The following NRDE2 variants were observed in gnomAD, a reference collection of about 807,000 sequenced individuals.
The protein encoded by NRDE2 is nuclear exosome regulator NRDE2.
In NRDE2, 76 loss-of-function variants were observed where a neutral mutation model predicts 124.2. That is an observed-to-expected ratio of 0.61 (90% CI 0.51 to 0.74). NRDE2 has a LOEUF of 0.74. Ranked by LOEUF, NRDE2 falls within the 30% of genes least tolerant of loss-of-function variation. The probability of loss-of-function intolerance (pLI) is 0.00; values close to 1 mark genes in which losing one functional copy is unlikely to be tolerated. For synonymous variants in NRDE2, 489 were observed against 528.1 expected (o/e 0.93, Z 1.01); for missense variants, 1,314 against 1,417.3 (o/e 0.93, Z 1.17).
At chr14:90,328,786 C>T (rs1438160939) in intron 1 of NRDE2, among the ~76,000 whole-genome samples, 5 of 152,180 alleles carry the variant, frequency 3.3e-5, no homozygotes, top group African/African-American at 1.2e-4. Flanking sequence ...TGGTGGGAAA[C>T]ATTTACAGGA....
Position 90,269,282 on chromosome 14 carries a change from A to G in NRDE2, c.*9054T>C. 2 of 876,916 alleles carry G rather than the reference A, an allele frequency of 2.3e-6. No homozygotes were observed. The highest frequency in any genetic ancestry group is 3.7e-5 in the South Asian group (2 of 54,502). 54.3% of individuals were successfully genotyped at this position (876,916 alleles called of 1,614,324 possible). Reference sequence around the variant, plus strand: ...AGCATAATTGAGGGAGTGCCATGTGAGTTGAAACAGGAATGTTTGTTAAGG... The same window carrying G: ...AGCATAATTGAGGGAGTGCCATGTGGGTTGAAACAGGAATGTTTGTTAAGG... On this transcript the variant is annotated 3_prime_UTR_variant, in exon 14 of 14. Coordinates refer to ENST00000354366, the MANE Select transcript of NRDE2 (RefSeq NM_017970.4).
Position 90,278,394 on chromosome 14 carries a change from T to G in NRDE2, c.3437A>C (p.Glu1146Ala), listed in dbSNP as rs772496651. 2.5e-6 allele frequency: 4 copies of G among 1,614,144 alleles called. No homozygotes were observed. Among genetic ancestry groups the G allele is most frequent in the Admixed American group, 3.3e-5 (2 of 60,028 alleles). The change falls in exon 14 of 14, where the codon GAG (glutamate) becomes GCG (alanine). Residue 1146 changes from glutamate (E) to alanine (A), a missense_variant. Transcript: ENST00000354366. The part of the protein sequence containing the change: ...EMQEILDLMT[E>A]KELRVRLPLE... Reference sequence around the variant, plus strand: ...CGGCAGGCGCACCCGGAGCTCCTTCTCAGTCATCAGGTCCAGGATCTCCTG... The same window carrying G: ...CGGCAGGCGCACCCGGAGCTCCTTCGCAGTCATCAGGTCCAGGATCTCCTG...
chr14:90,330,323 T>C (rs540129304), intron 1 of NRDE2, among the ~76,000 whole-genome samples: 115 of 152,346 alleles, frequency 7.5e-4, no homozygotes, highest in Admixed American at 1.8e-3. Flanking sequence ...CACTCATGCA[T>C]TCCTGCAACA....
At chr14:90,297,617 A>T (rs1330998585) in intron 8 of NRDE2, among the ~76,000 whole-genome samples, 1 of 152,118 alleles carries the variant, frequency 6.6e-6, no homozygotes, top group African/African-American at 2.4e-5. Context: ...AGGATAACAA[A>T]AAGACTGTCT....
chr14:90,324,920 C>T lies in NRDE2; in HGVS notation c.65-6807G>A, dbSNP rs139281568. Among the ~76,000 whole-genome samples the T allele has an allele frequency of 1.7e-4, 26 of 152,244 alleles. No homozygotes were observed. The East Asian group carries it at 4.6e-3, about 27-fold the overall frequency. ...TAAGGACATTTAAAAGTTCTTGCAA[C>T]AGTGTGGAGAGTGGCTCAGGGAGCA... On this transcript the variant is annotated intron_variant, in intron 1 of 13. Coordinates refer to ENST00000354366, the MANE Select transcript of NRDE2 (RefSeq NM_017970.4).
Position 90,268,496 on chromosome 14 carries a change from G to C in NRDE2, c.*9840C>G, listed in dbSNP as rs566417995. On this transcript the variant is annotated 3_prime_UTR_variant, in exon 14 of 14. Transcript: ENST00000354366. ...TCTTGAGAATGAGCAATCTCAGGGG[G>C]CTCTCCCTATGGCCACAGTTCTTGC... 1 of 1,363,904 alleles carries C rather than the reference G, an allele frequency of 7.3e-7. No individual in the cohort carries two copies. Among genetic ancestry groups the C allele is most frequent in the Non-Finnish European group, 1.0e-6 (1 of 973,566 alleles). 84.5% of individuals were successfully genotyped at this position (1,363,904 alleles called of 1,614,324 possible).
At chr14:90,321,184 T>A (rs1885227478) in intron 1 of NRDE2, among the ~76,000 whole-genome samples, 1 of 152,138 alleles carries the variant, frequency 6.6e-6, no homozygotes. Context: ...AATACAGACA[T>A]CACAACATAC....
intron 8 of NRDE2, among the ~76,000 whole-genome samples, chr14:90,294,136 T>C (rs11846970): frequency 0.026 from 4,013 of 152,188 alleles, 189 homozygotes; most frequent in African/African-American, 0.091. Flanking sequence ...CATTGATATA[T>C]GCAACAATTT....
In NRDE2 at chr14:90,278,465, G is replaced by C. The variant is rs1295795434; in HGVS notation, c.3370-4C>G. 6.2e-7 allele frequency: 1 copy of C among 1,613,658 alleles called. No individual in the cohort carries two copies. Among genetic ancestry groups the C allele is most frequent in the African/African-American group, 1.3e-5 (1 of 74,910 alleles). On this transcript the variant is annotated splice_polypyrimidine_tract_variant and splice_region_variant and intron_variant, in intron 13 of 13. Transcript: ENST00000354366. Reference sequence around the variant, plus strand: ...CCACGGCGTCCAGGTACAACACCTAGGGGGCAGGCAGGAAGGCCGCCCCAC... The same window carrying C: ...CCACGGCGTCCAGGTACAACACCTACGGGGCAGGCAGGAAGGCCGCCCCAC...
rs1566677012 is a variant in NRDE2 at position 90,273,137 on chromosome 14, T to A, written c.*5199A>T. 1 of 152,224 alleles carries A rather than the reference T, an allele frequency of 6.6e-6. No homozygotes were observed. The allele number at this position is 152,224 out of a possible 1,614,324, so 9.4% of individuals were successfully genotyped here. A position where few individuals can be genotyped will look rare whatever the true frequency, so the allele number is the denominator to read the frequency against. On this transcript the variant is annotated 3_prime_UTR_variant, in exon 14 of 14. Coordinates refer to ENST00000354366, the MANE Select transcript of NRDE2 (RefSeq NM_017970.4). ...ACAAATCAGGCCTAAAGCTATTAAG[T>A]GGGACAGATCAAGGTAAGCGTTCCC...
At chr14:90,289,641 G>C (rs939877764) in intron 10 of NRDE2, among the ~76,000 whole-genome samples, 9 of 152,216 alleles carry the variant, frequency 5.9e-5, no homozygotes, top group African/African-American at 1.9e-4. Flanking sequence ...AGGCTGGAGT[G>C]CAATGGTGCG....
chr14:90,317,627 T>A (rs529892731), intron 2 of NRDE2: 1 of 158,498 alleles, frequency 6.3e-6, no homozygotes, highest in South Asian at 2.0e-4. Context: ...TCCCTGACGT[T>A]TTGATGCCAT....
At chr14:90,279,315 C>T (rs1291946636) in intron 12 of NRDE2, 182 bp from the exon 13 acceptor site, 1 of 591,498 alleles carries the variant, frequency 1.7e-6, no homozygotes, top group Non-Finnish European at 3.0e-6. Context: ...TCTCAGAAGC[C>T]ACTGCTGTGT....
At chr14:90,290,182 G>GA in intron 10 of NRDE2, 39 bp downstream of exon 10, 1 of 1,592,892 alleles carries the variant, frequency 6.3e-7, no homozygotes, top group Admixed American at 1.7e-5. Flanking sequence ...GACATGAAAT[G>GA]AAAAGTCCCC....
At chr14:90,309,768 G>A (rs1464479521) in intron 4 of NRDE2, among the ~76,000 whole-genome samples, 2 of 152,194 alleles carry the variant, frequency 1.3e-5, no homozygotes, top group Admixed American at 6.5e-5. Context: ...ACTGCCATGG[G>A]ATCAACATCT....
Position 90,277,347 on chromosome 14 carries a change from A to G in NRDE2, c.*989T>C, listed in dbSNP as rs1891826800. 1 of 152,228 alleles carries G rather than the reference A, an allele frequency of 6.6e-6. No homozygotes were observed. 9.4% of individuals were successfully genotyped at this position (152,228 alleles called of 1,614,324 possible). A position where few individuals can be genotyped will look rare whatever the true frequency, so the allele number is the denominator to read the frequency against. ...AATTCTAAAGAGAGGAAAACAAAAC[A>G]AAAAAAGCCAGAGAGAAGCTAGCCA... On this transcript the variant is annotated 3_prime_UTR_variant, in exon 14 of 14. Transcript: ENST00000354366.
At chr14:90,315,974 A>AG (rs1488030396) in intron 3 of NRDE2, among the ~76,000 whole-genome samples, 3 of 151,570 alleles carry the variant, frequency 2.0e-5, no homozygotes, top group Admixed American at 1.3e-4. Flanking sequence ...AAAAAAAAAA[A>AG]AAAAAGAAAG....
At chr14:90,315,176 C>CAAAAAAAA (rs71117336) in intron 3 of NRDE2, among the ~76,000 whole-genome samples, 1 of 31,768 alleles carries the variant, frequency 3.1e-5, no homozygotes, top group African/African-American at 1.5e-4. Context: ...TACTCTGTCT[C>CAAAAAAAA]AAAAAAAAAA....
At chr14:90,325,637 C>T (rs2139717117) in intron 1 of NRDE2, among the ~76,000 whole-genome samples, 1 of 152,252 alleles carries the variant, frequency 6.6e-6, no homozygotes, top group South Asian at 2.1e-4. Flanking sequence ...GCAATCCTCC[C>T]ACCTCAACCT....
Sources: gnomAD v4.1 joint callset for allele counts (sites outside exome capture counted in the v4.1 genomes callset) on GRCh38, gnomAD v4.1.1 for gene constraint, MANE v1.5 for transcripts, NCBI Gene and HGNC (gene_info 2026-07-23, HGNC 2026-07-21) for gene names.